The following HFM1 variants were observed in gnomAD, a reference collection of about 807,000 sequenced individuals.
The protein encoded by HFM1 is probable ATP-dependent DNA helicase HFM1.
In HFM1, 169 loss-of-function variants were observed where a neutral mutation model predicts 192.1. The ratio of observed to expected loss-of-function variants is 0.88; its 90% CI spans 0.78 to 1.00. The LOEUF (loss-of-function observed/expected upper bound fraction) is 1.00, where lower values mean the gene tolerates loss of function less well. Ranked by LOEUF, HFM1 falls within the 50% of genes least tolerant of loss-of-function variation. The pLI, the probability that HFM1 is intolerant of heterozygous loss-of-function variation, is 0.00. For synonymous variants in HFM1, 525 were observed against 537.8 expected, an observed-to-expected ratio of 0.98 and a Z score of 0.33; for missense variants, 1,661 against 1,668.0, an observed-to-expected ratio of 1.00 and a Z score of 0.07.
At chr1:91,347,048 A>G (rs946896370) in intron 19 of HFM1, among the ~76,000 whole-genome samples, 5 of 152,114 alleles carry the variant, frequency 3.3e-5, no homozygotes, top group Admixed American at 1.3e-4. Context: ...GTTCAAGGTT[A>G]CAATGAGCTA....
intron 20 of HFM1, chr1:91,328,321 C>T (rs932330521): frequency 4.7e-6 from 7 of 1,478,340 alleles, no homozygotes; most frequent in Non-Finnish European, 6.4e-6. Flanking sequence ...AACCCTGAAT[C>T]AAGCTTTAGC....
At chr1:91,317,412 TCAAAAA>T (rs1651422098) in intron 25 of HFM1, among the ~76,000 whole-genome samples, 1 of 152,056 alleles carries the variant, frequency 6.6e-6, no homozygotes, top group Non-Finnish European at 1.5e-5. Flanking sequence ...AAACTCCATC[TCAAAAA>T]CAAACAAACA....
chr1:91,400,480 C>CTTTTTTTTTTTT (rs112090967), intron 2 of HFM1, among the ~76,000 whole-genome samples: 2 of 139,062 alleles, frequency 1.4e-5, no homozygotes. Context: ...AGGCAAGAAT[C>CTTTTTTTTTTTT]TTTTTTTTTT....
chr1:91,394,500 T>C, intron 3 of HFM1, 98 bp from the exon 4 acceptor site: 1 of 730,994 alleles, frequency 1.4e-6, no homozygotes, highest in Non-Finnish European at 2.2e-6. Context: ...AAGTTAAGTA[T>C]GAAAGCCAAA....
At chr1:91,323,968 T>C (rs1652511602) in intron 21 of HFM1, among the ~76,000 whole-genome samples, 1 of 152,200 alleles carries the variant, frequency 6.6e-6, no homozygotes, top group South Asian at 2.1e-4. Flanking sequence ...ATATTTTAAA[T>C]AAAAATGAAC....
chr1:91,320,778 GAGC>G (rs1365910731), intron 23 of HFM1, among the ~76,000 whole-genome samples: 1 of 152,066 alleles, frequency 6.6e-6, no homozygotes, highest in Admixed American at 6.5e-5. Flanking sequence ...TCTTACCCCT[GAGC>G]TTGTCCTCAG....
intron 13 of HFM1, among the ~76,000 whole-genome samples, chr1:91,358,821 C>G (rs1174607347): frequency 6.6e-6 from 1 of 152,160 alleles, no homozygotes; most frequent in African/African-American, 2.4e-5. Context: ...TGAGACATCC[C>G]AACTGGGGTT....
chr1:91,369,917 C>A (rs181141896), intron 13 of HFM1, among the ~76,000 whole-genome samples: 2 of 151,982 alleles, frequency 1.3e-5, no homozygotes, highest in Non-Finnish European at 2.9e-5. Context: ...ATATAGCCAC[C>A]GATCCCACAG....
chr1:91,296,763 T>C (rs1647654221), intron 30 of HFM1, among the ~76,000 whole-genome samples: 1 of 152,246 alleles, frequency 6.6e-6, no homozygotes, highest in East Asian at 1.9e-4. Flanking sequence ...ACAAGGTTGA[T>C]ATTTTATACT....
At chr1:91,322,588 C>T (rs576099563) in intron 23 of HFM1, among the ~76,000 whole-genome samples, 7 of 152,270 alleles carry the variant, frequency 4.6e-5, no homozygotes, top group African/African-American at 1.7e-4. Context: ...TACTCTTTGT[C>T]TCTCCCAGAA....
chr1:91,288,978 G>A (rs371494182), intron 30 of HFM1, among the ~76,000 whole-genome samples: 9 of 136,508 alleles, frequency 6.6e-5, no homozygotes, highest in African/African-American at 2.2e-4. Context: ...CCCACCTCCC[G>A]GACGGGGCGG....
intron 4 of HFM1, among the ~76,000 whole-genome samples, chr1:91,390,719 A>G (rs1222582653): frequency 6.6e-6 from 1 of 151,970 alleles, no homozygotes; most frequent in African/African-American, 2.4e-5. Context: ...CTCTCTCACC[A>G]CTCCTATTCA....
At chr1:91,273,930 G>A (rs1328280826) in intron 33 of HFM1, 115 bp from the exon 34 acceptor site, 3 of 612,564 alleles carry the variant, frequency 4.9e-6, no homozygotes, top group Admixed American at 3.1e-5. Flanking sequence ...ACACTTCTAT[G>A]ATACACTGGA....
chr1:91,368,714 C>T (rs1659735979), intron 13 of HFM1, among the ~76,000 whole-genome samples: 1 of 152,162 alleles, frequency 6.6e-6, no homozygotes, highest in Non-Finnish European at 1.5e-5. Context: ...AACCAGCTAA[C>T]ATCATAATGA....
chr1:91,329,181 C>T (rs1653423437), intron 20 of HFM1: 19 of 1,609,934 alleles, frequency 1.2e-5, no homozygotes, highest in East Asian at 4.5e-5. Context: ...CAACAAGTAC[C>T]CTTTGCCAGA....
chr1:91,379,007 A>G lies in HFM1; in HGVS notation c.1158+56T>C, dbSNP rs539758170. The G allele has an allele frequency of 1.1e-5, 12 of 1,103,202 alleles. No homozygotes were observed. The East Asian group carries it at 2.6e-4, about 24-fold the overall frequency. 68.3% of individuals were successfully genotyped at this position (1,103,202 alleles called of 1,614,324 possible). ...TTTTAAACTTTTTATCTCAGTAAAG[A>G]AAAATAGGTATTTTCTAACAAACTA... On this transcript the variant is annotated intron_variant, in intron 9 of 38. Coordinates refer to ENST00000370425, the MANE Select transcript of HFM1 (RefSeq NM_001017975.6).
intron 13 of HFM1, among the ~76,000 whole-genome samples, chr1:91,373,337 T>C (rs1374534656): frequency 6.6e-6 from 1 of 152,066 alleles, no homozygotes; most frequent in African/African-American, 2.4e-5. Flanking sequence ...AAGTATCTGC[T>C]CATATCCACA....
At chr1:91,336,906 A>G (rs1351517539) in intron 20 of HFM1, among the ~76,000 whole-genome samples, 2 of 152,206 alleles carry the variant, frequency 1.3e-5, no homozygotes, top group Non-Finnish European at 2.9e-5. Context: ...CAGCCATGAA[A>G]AGGAATGAGA....
Position 91,378,430 on chromosome 1 carries a change from C to T in HFM1, c.1209G>A (p.Gln403=), listed in dbSNP as rs1454241262. 5 of 1,605,854 alleles carry T rather than the reference C, an allele frequency of 3.1e-6. No homozygotes were observed. The highest frequency in any genetic ancestry group is 4.3e-6 in the Non-Finnish European group (5 of 1,174,662). ...CATCAATGAGAAACAGTCGAACCAGCTGAACCAAAGAGTTGTCTCTCCATT... is the reference window on the plus strand; with the variant it reads ...CATCAATGAGAAACAGTCGAACCAGTTGAACCAAAGAGTTGTCTCTCCATT... The part of the protein sequence containing the change: ...TRKWRDNSLV[Q]LVRLFLIDEV... The change falls in exon 10 of 39, where the codon CAG becomes CAA. Residue 403 remains glutamine, a synonymous_variant. Coordinates refer to ENST00000370425, the MANE Select transcript of HFM1 (RefSeq NM_001017975.6).
Sources: allele counts gnomAD v4.1 joint callset (sites outside exome capture counted in the v4.1 genomes callset), GRCh38; gene constraint gnomAD v4.1.1; transcripts MANE v1.5; gene names NCBI Gene and HGNC (gene_info 2026-07-23, HGNC 2026-07-21).